VPS18: variants seen among roughly 807,000 people sequenced by gnomAD.
VPS18 encodes the protein vacuolar protein sorting-associated protein 18 homolog.
Under a neutral mutation model 82.0 loss-of-function variants are expected in VPS18, and 25 were observed. That is an observed-to-expected ratio of 0.30 (90% CI 0.22 to 0.43). VPS18 has a LOEUF of 0.43. VPS18 is among the 20% of genes least tolerant of loss of function. VPS18 has a pLI of 1.00. For missense variants in VPS18, 1,168 were observed against 1,311.1 expected (o/e 0.89, Z 1.69); for synonymous variants, 523 against 543.0 (o/e 0.96, Z 0.51).
Position 40,900,374 on chromosome 15 carries a change from C to G in VPS18, c.1556C>G (p.Thr519Ser). The G allele has an allele frequency of 3.1e-6, 5 of 1,613,784 alleles. No individual in the cohort carries two copies. Among genetic ancestry groups the G allele is most frequent in the Non-Finnish European group, 4.2e-6 (5 of 1,180,016 alleles). The change falls in exon 4 of 5, where the codon ACC becomes AGC. Residue 519 changes from threonine (T) to serine (S), a missense_variant. Transcript: ENST00000220509. The surrounding 1 kb of genome is among the most constrained non-coding windows in gnomAD (Gnocchi z 5.4). ...DPEALTLYRE[T>S]KECFRTFLSS... ...GAGGCCCTGACTCTCTACCGAGAAA[C>G]CAAGGAATGCTTTCGAACCTTCCTC...
intron 2 of VPS18, among the ~76,000 whole-genome samples, chr15:40,897,085 C>T (rs1471012189): frequency 6.6e-6 from 1 of 152,084 alleles, no homozygotes; most frequent in Non-Finnish European, 1.5e-5. Flanking sequence ...CACCTGAGGT[C>T]GGGAGTTCAA....
chr15:40,899,025 G>A lies in VPS18; in HGVS notation c.325+27G>A. 1 of 1,612,780 alleles carries A rather than the reference G, an allele frequency of 6.2e-7. No individual in the cohort carries two copies. Among genetic ancestry groups the A allele is most frequent in the Non-Finnish European group, 8.5e-7 (1 of 1,179,364 alleles). On this transcript the variant is annotated intron_variant, in intron 3 of 4. Transcript: ENST00000220509. This position sits in a 1 kb window ranked among gnomAD's most constrained non-coding sequence, Gnocchi z 4.4. Reference sequence around the variant, plus strand: ...TAAGTAACAGTGGAGATCTGAGGAGGGGGTCTCTGGTCAGTCACTGCCTGG... The same window carrying A: ...TAAGTAACAGTGGAGATCTGAGGAGAGGGTCTCTGGTCAGTCACTGCCTGG...
rs1197709135 is a variant in VPS18 at position 40,900,064 on chromosome 15, C to T, written c.1246C>T (p.Arg416Ter). The change falls in exon 4 of 5, where the codon CGA becomes TGA. Residue 416 changes from arginine (R) to a stop codon, truncating the protein, a stop_gained. Transcript: ENST00000220509. LOFTEE classifies it high-confidence loss of function. This position sits in a 1 kb window ranked among gnomAD's most constrained non-coding sequence, Gnocchi z 5.4. ...NRFDLAKEYC[R>*]ERPDCLDTVL... ...CTTCGATCTGGCCAAAGAGTATTGT[C>T]GAGAGCGGCCCGACTGCCTGGACAC... The T allele has an allele frequency of 6.2e-7, 1 of 1,613,646 alleles. No individual in the cohort carries two copies. Among genetic ancestry groups the T allele is most frequent in the African/African-American group, 1.3e-5 (1 of 74,940 alleles).
chr15:40,898,263 T>C (rs1892267955), intron 2 of VPS18, among the ~76,000 whole-genome samples: 1 of 151,278 alleles, frequency 6.6e-6, no homozygotes, highest in Non-Finnish European at 1.5e-5. Context: ...CTTTTTTTTT[T>C]TTTTCCCCCC....
chr15:40,899,320 C>T lies in VPS18; in HGVS notation c.502C>T (p.His168Tyr). 1.2e-6 allele frequency: 2 copies of T among 1,614,130 alleles called. No homozygotes were observed. Among genetic ancestry groups the T allele is most frequent in the Non-Finnish European group, 1.7e-6 (2 of 1,179,952 alleles). The change falls in exon 4 of 5, where the codon CAC becomes TAC. Residue 168 changes from histidine to tyrosine, a missense_variant. Coordinates refer to ENST00000220509, the MANE Select transcript of VPS18 (RefSeq NM_020857.3). This position sits in a 1 kb window ranked among gnomAD's most constrained non-coding sequence, Gnocchi z 4.4. ...CATCCTGGTCGGGACTGCCCAAGGCCACATCTTTGAAGCAGAGCTCTCAGC... is the reference window on the plus strand; with the variant it reads ...CATCCTGGTCGGGACTGCCCAAGGCTACATCTTTGAAGCAGAGCTCTCAGC... ...GPILVGTAQG[H>Y]IFEAELSASE...
chr15:40,901,061 C>T (rs764057548), intron 4 of VPS18, 47 bp downstream of exon 4: 1 of 1,566,684 alleles, frequency 6.4e-7, no homozygotes, highest in Non-Finnish European at 8.6e-7. Flanking sequence ...ACCCAAAGAG[C>T]AGTAGCTTTA....
chr15:40,895,271 A>T (rs559875862), intron 1 of VPS18, among the ~76,000 whole-genome samples: 1 of 152,144 alleles, frequency 6.6e-6, no homozygotes, highest in Non-Finnish European at 1.5e-5. Context: ...GGAAGAAGGG[A>T]GGGTCCCAGA....
chr15:40,896,922 C>T (rs893238630), intron 2 of VPS18, among the ~76,000 whole-genome samples: 1 of 151,614 alleles, frequency 6.6e-6, no homozygotes, highest in Non-Finnish European at 1.5e-5. Flanking sequence ...TGGATCCATG[C>T]TGAATGCTCA....
chr15:40,899,996 G>C lies in VPS18; in HGVS notation c.1178G>C (p.Arg393Pro). ...GCTGTCTTCCGCTACCACGTGCAAC[G>C]GGAGGCCCGAGATGTCTGGCGCACC... ...ERAVFRYHVQ[R>P]EARDVWRTYL... Residue 393 changes from arginine to proline, a missense_variant, in exon 4 of 5, where the codon CGG becomes CCG. This residue lies in a region of VPS18 where 868 missense variants were observed against 939.8 expected (regional missense o/e 0.92). Transcript: ENST00000220509. This position sits in a 1 kb window ranked among gnomAD's most constrained non-coding sequence, Gnocchi z 4.4. The C allele has an allele frequency of 6.2e-7, 1 of 1,614,062 alleles. No homozygotes were observed. The highest frequency in any genetic ancestry group is 1.1e-5 in the South Asian group (1 of 91,086).
Position 40,899,147 on chromosome 15 carries a change from C to G in VPS18, c.329C>G (p.Ser110Cys), listed in dbSNP as rs1443710385. 1.9e-6 allele frequency: 3 copies of G among 1,611,538 alleles called. No homozygotes were observed. Among genetic ancestry groups the G allele is most frequent in the South Asian group, 2.2e-5 (2 of 91,008 alleles). The change falls in exon 4 of 5, where the codon TCT becomes TGT. Residue 110 changes from serine to cysteine, a missense_variant. This residue lies in a region of VPS18 where 868 missense variants were observed against 939.8 expected (regional missense o/e 0.92). Transcript: ENST00000220509. This position sits in a 1 kb window ranked among gnomAD's most constrained non-coding sequence, Gnocchi z 4.4. The part of the protein sequence containing the change: ...VHKMFLDHTG[S>C]HLLIALSSTE... The stretch of plus-strand genomic sequence containing the variant: ...CGCCATGCTCTCCCCACTCCAGGCT[C>G]TCACCTGCTGATTGCCCTGAGCAGC...
In VPS18 at chr15:40,900,415, A is replaced by C. The variant is rs148408369; in HGVS notation, c.1597A>C (p.Lys533Gln). ...FRTFLSSPRH[K>Q]EWLFASRASI... ...AACCTTCCTCAGCAGCCCCCGCCACAAAGAGTGGCTCTTTGCCAGCCGGGC... is the reference window on the plus strand; with the variant it reads ...AACCTTCCTCAGCAGCCCCCGCCACCAAGAGTGGCTCTTTGCCAGCCGGGC... The change falls in exon 4 of 5, where the codon AAA becomes CAA. Residue 533 changes from lysine to glutamine, a missense_variant. Around this residue, in one of 3 missense-constraint regions of VPS18, gnomAD observed 868 missense variants for 939.8 expected, o/e 0.92. Coordinates refer to ENST00000220509, the MANE Select transcript of VPS18 (RefSeq NM_020857.3). This position sits in a 1 kb window ranked among gnomAD's most constrained non-coding sequence, Gnocchi z 5.4. The C allele has an allele frequency of 3.3e-5, 54 of 1,613,922 alleles. No homozygotes were observed. In the African/African-American group the frequency reaches 6.9e-4, roughly 21 times the overall value.
Position 40,894,533 on chromosome 15 carries a change from G to T in VPS18, c.-236G>T. On this transcript the variant is annotated 5_prime_UTR_variant, in exon 1 of 5. Transcript: ENST00000220509. ...GTGATTTTTTTGTAGCGGGGGCGGG[G>T]AGTAAGGTGCAAGACTGCGCCAGAT... is the stretch of plus-strand genomic sequence containing the variant. The T allele has an allele frequency of 2.5e-6, 1 of 403,036 alleles. No homozygotes were observed. 25.0% of individuals were successfully genotyped at this position (403,036 alleles called of 1,614,324 possible). A position where few individuals can be genotyped will look rare whatever the true frequency, so the allele number is the denominator to read the frequency against.
chr15:40,901,086 T>TG, intron 4 of VPS18, 72 bp downstream of exon 4: 3 of 1,491,138 alleles, frequency 2.0e-6, no homozygotes, highest in East Asian at 2.3e-5. Flanking sequence ...TGGAAGGGCT[T>TG]GGGGGGCCAT....
Position 40,894,523 on chromosome 15 carries a change from CG to C in VPS18, c.-241del. The C allele has an allele frequency of 2.6e-6, 1 of 387,020 alleles. No homozygotes were observed. The highest frequency in any genetic ancestry group is 4.6e-6 in the Non-Finnish European group (1 of 217,104). The allele number at this position is 387,020 out of a possible 1,614,324, so 24.0% of individuals were successfully genotyped here. ...AAGGGAGCCTGTGATTTTTTTGTAG[CG>C]GGGGCGGGGAGTAAGGTGCAAGACT... On this transcript the variant is annotated 5_prime_UTR_variant, in exon 1 of 5. Coordinates refer to ENST00000220509, the MANE Select transcript of VPS18 (RefSeq NM_020857.3).
At chr15:40,901,696 A>G (rs752482338) in intron 4 of VPS18, among the ~76,000 whole-genome samples, 1 of 152,174 alleles carries the variant, frequency 6.6e-6, no homozygotes, top group Non-Finnish European at 1.5e-5. Context: ...ACCTGAGGTC[A>G]GGAGTTCGAG....
chr15:40,903,677 C>T lies in VPS18; in HGVS notation c.*336C>T. 4.5e-6 allele frequency: 1 copy of T among 221,678 alleles called. No individual in the cohort carries two copies. Among genetic ancestry groups the T allele is most frequent in the Non-Finnish European group, 8.8e-6 (1 of 113,194 alleles). 13.7% of individuals were successfully genotyped at this position (221,678 alleles called of 1,614,324 possible). A position where few individuals can be genotyped will look rare whatever the true frequency, so the allele number is the denominator to read the frequency against. ...TCATTCCCCACACACGTCCTGTTCA[C>T]CTCGAGAGAGAGAGAGAGAGAGCAC... On this transcript the variant is annotated 3_prime_UTR_variant, in exon 5 of 5. Transcript: ENST00000220509.
At position 40,902,234 on chromosome 15, in the gene VPS18, T is replaced by C. The variant is rs1892371579; in HGVS notation, c.2197-382T>C. On this transcript the variant is annotated intron_variant, in intron 4 of 4. Transcript: ENST00000220509. This position sits in a 1 kb window ranked among gnomAD's most constrained non-coding sequence, Gnocchi z 4.2. ...TTCACGCCATTCTCCTGGCTCAGCC[T>C]CCCGGGTAGCTGGGACTACAGGCGC... Among the ~76,000 whole-genome samples, 1 of 151,728 alleles carries C rather than the reference T, an allele frequency of 6.6e-6. No homozygotes were observed. Among genetic ancestry groups the C allele is most frequent in the Admixed American group, 6.6e-5 (1 of 15,200 alleles).
At position 40,903,605 on chromosome 15, in the gene VPS18, A is replaced by T. The variant is rs1461083024; in HGVS notation, c.*264A>T. On this transcript the variant is annotated 3_prime_UTR_variant, in exon 5 of 5. Coordinates refer to ENST00000220509, the MANE Select transcript of VPS18 (RefSeq NM_020857.3). ...GGCCCTTCACCTGGAGAAGTCAGAA[A>T]TCTGACCCAATTCCACCCCCTGCCT... 1 of 382,126 alleles carries T rather than the reference A, an allele frequency of 2.6e-6. No homozygotes were observed. Among genetic ancestry groups the T allele is most frequent in the African/African-American group, 2.1e-5 (1 of 48,122 alleles). The allele number at this position is 382,126 out of a possible 1,614,324, so 23.7% of individuals were successfully genotyped here.
At chr15:40,901,643 T>G (rs1892360748) in intron 4 of VPS18, among the ~76,000 whole-genome samples, 1 of 147,840 alleles carries the variant, frequency 6.8e-6, no homozygotes. Flanking sequence ...CGGTGGCTCA[T>G]GCCTATAATC....
Sources: allele counts gnomAD v4.1 joint callset (sites outside exome capture counted in the v4.1 genomes callset), GRCh38; gene constraint gnomAD v4.1.1; regional missense constraint gnomAD v4.1.1; non-coding constraint Gnocchi (gnomAD v3.1); transcripts MANE v1.5; gene names NCBI Gene and HGNC (gene_info 2026-07-23, HGNC 2026-07-21).